Variants in VAV2 observed in about 807,000 individuals in gnomAD.
VAV2 encodes the protein guanine nucleotide exchange factor VAV2.
In VAV2, 67 loss-of-function variants were observed where a neutral mutation model predicts 132.5. The observed-to-expected ratio is 0.51, with a 90% confidence interval of 0.42 to 0.62. The LOEUF (loss-of-function observed/expected upper bound fraction) is 0.62, where lower values mean the gene tolerates loss of function less well. Ranked by LOEUF, VAV2 falls within the 20% of genes least tolerant of loss-of-function variation. VAV2 has a pLI of 0.00. For missense variants in VAV2, 938 were observed against 1,153.6 expected (o/e 0.81, Z 2.71); for synonymous variants, 492 against 443.5 (o/e 1.11, Z -1.37).
intron 8 of VAV2, among the ~76,000 whole-genome samples, chr9:133,806,864 G>C (rs1835168731): frequency 6.6e-6 from 1 of 152,266 alleles, no homozygotes; most frequent in African/African-American, 2.4e-5. Context: ...CCACGTCTAG[G>C]TGACTCTTTG....
At chr9:133,982,878 G>A (rs897921252) in intron 1 of VAV2, among the ~76,000 whole-genome samples, 7 of 152,198 alleles carry the variant, frequency 4.6e-5, no homozygotes, top group African/African-American at 1.7e-4. Flanking sequence ...GCATTGCCAC[G>A]CTCCTCCGTT....
intron 17 of VAV2, 47 bp from the exon 18 acceptor site, chr9:133,784,465 G>A (rs766739423): frequency 1.4e-5 from 22 of 1,603,442 alleles, no homozygotes; most frequent in African/African-American, 5.4e-5. Flanking sequence ...TGGATTCCCC[G>A]AGCCCCACCA....
At chr9:133,793,051 A>G (rs1248476412) in intron 12 of VAV2, among the ~76,000 whole-genome samples, 2 of 152,010 alleles carry the variant, frequency 1.3e-5, no homozygotes, top group Non-Finnish European at 2.9e-5. Context: ...CAGCCTCTCT[A>G]AGCCACAGCC....
At chr9:133,988,218 C>T (rs1199913730) in intron 1 of VAV2, among the ~76,000 whole-genome samples, 1 of 152,126 alleles carries the variant, frequency 6.6e-6, no homozygotes, top group African/African-American at 2.4e-5. Flanking sequence ...AGCCAGGGAT[C>T]ACAGGCACCC....
Position 133,904,203 on chromosome 9 carries a change from C to T in VAV2, c.321+34900G>A, listed in dbSNP as rs143763579. On this transcript the variant is annotated intron_variant, in intron 2 of 29. Transcript: ENST00000371850. ...CCAAGCGCCAGGCTCTCCCCCAGAG[C>T]TCCGCATTCTAAAGGGAACCACTCT... Among the ~76,000 whole-genome samples, 376 of 152,310 alleles carry T rather than the reference C, an allele frequency of 2.5e-3. 1 individual carries two copies. The highest frequency in any genetic ancestry group is 8.9e-3 in the African/African-American group (368 of 41,562).
Position 133,926,599 on chromosome 9 carries a change from G to A in VAV2, c.321+12504C>T, listed in dbSNP as rs1267906303. Among the ~76,000 whole-genome samples the A allele has an allele frequency of 2.0e-5, 3 of 152,106 alleles. 1 individual carries two copies. Among genetic ancestry groups the A allele is most frequent in the African/African-American group, 7.2e-5 (3 of 41,406 alleles). On this transcript the variant is annotated intron_variant, in intron 2 of 29. Transcript: ENST00000371850. This position sits in a 1 kb window ranked among gnomAD's most constrained non-coding sequence, Gnocchi z 4.3. ...GGCCAGGCCACCGCCACCAGCCTCT[G>A]GACCTTTGCACATGCTGCCCCTGAG...
At chr9:133,789,816 C>T (rs915886626) in intron 13 of VAV2, among the ~76,000 whole-genome samples, 17 of 152,248 alleles carry the variant, frequency 1.1e-4, no homozygotes, top group Non-Finnish European at 2.1e-4. Flanking sequence ...GGTTCATTTT[C>T]GTTGTCTGTC....
chr9:133,934,832 C>A (rs980224997), intron 2 of VAV2, among the ~76,000 whole-genome samples: 1 of 152,234 alleles, frequency 6.6e-6, no homozygotes, highest in African/African-American at 2.4e-5. Flanking sequence ...CCCCTCTTGT[C>A]TGCCTCTACC....
chr9:133,812,647 C>G (rs1366525969), intron 4 of VAV2, among the ~76,000 whole-genome samples: 1 of 152,144 alleles, frequency 6.6e-6, no homozygotes, highest in Non-Finnish European at 1.5e-5. Context: ...ACCTGGAGAC[C>G]TGAGTGCTTC....
At chr9:133,855,664 C>T (rs1588273710) in intron 3 of VAV2, among the ~76,000 whole-genome samples, 2 of 152,332 alleles carry the variant, frequency 1.3e-5, no homozygotes, top group South Asian at 4.1e-4. Flanking sequence ...CATGGGAAGA[C>T]CAAAAGGTGG....
intron 1 of VAV2, among the ~76,000 whole-genome samples, chr9:133,977,505 C>A (rs1234562474): frequency 1.3e-5 from 2 of 152,208 alleles, no homozygotes; most frequent in Non-Finnish European, 2.9e-5. Context: ...TGTCTAGGCA[C>A]CTTGTGCACC....
At chr9:133,838,952 G>T in intron 3 of VAV2, among the ~76,000 whole-genome samples, 1 of 127,912 alleles carries the variant, frequency 7.8e-6, no homozygotes, top group East Asian at 2.6e-4. Context: ...GATGGGGTGG[G>T]TGGGTAGGTG....
At chr9:133,829,496 C>A (rs764112316) in intron 4 of VAV2, among the ~76,000 whole-genome samples, 1 of 152,262 alleles carries the variant, frequency 6.6e-6, no homozygotes, top group Non-Finnish European at 1.5e-5. Context: ...CAGTGACCTG[C>A]GCCCAAGTGC....
chr9:133,768,940 G>A lies in VAV2; in HGVS notation c.2435-344C>T, dbSNP rs1375538063. ...CAGCTTGGCCCAGATGCAGAATCCT[G>A]ATAGACAGGTGACAATGACCATGGC... On this transcript the variant is annotated intron_variant, in intron 28 of 29. Coordinates refer to ENST00000371850, the MANE Select transcript of VAV2 (RefSeq NM_001134398.2). This position sits in a 1 kb window ranked among gnomAD's most constrained non-coding sequence, Gnocchi z 5.3. Among the ~76,000 whole-genome samples the A allele has an allele frequency of 6.6e-6, 1 of 152,158 alleles. No individual in the cohort carries two copies. The highest frequency in any genetic ancestry group is 1.9e-4 in the East Asian group (1 of 5,198).
rs1006099216 is a variant in VAV2 at position 133,850,227 on chromosome 9, C to T, written c.380+11147G>A. 2.0e-5 allele frequency among the ~76,000 whole-genome samples: 3 copies of T among 152,340 alleles called. 1 individual carries two copies. The highest frequency in any genetic ancestry group is 1.3e-4 in the Admixed American group (2 of 15,306). On this transcript the variant is annotated intron_variant, in intron 3 of 29. Transcript: ENST00000371850. ...AGGAGCAAGGATCCCAGCCGGGCCT[C>T]GAACCCAAGTCTCTCAACCTCAGGC...
chr9:133,772,919 C>A (rs1159174968), intron 25 of VAV2, among the ~76,000 whole-genome samples: 2 of 93,498 alleles, frequency 2.1e-5, no homozygotes, highest in East Asian at 4.1e-4. Flanking sequence ...GACGGCAGAG[C>A]CTACCACACA....
At chr9:133,868,189 G>A (rs1419006508) in intron 2 of VAV2, among the ~76,000 whole-genome samples, 1 of 152,232 alleles carries the variant, frequency 6.6e-6, no homozygotes, top group Non-Finnish European at 1.5e-5. Context: ...TAACGGTTGG[G>A]TCCTGACTCA....
intron 1 of VAV2, among the ~76,000 whole-genome samples, chr9:133,965,215 C>CAGT (rs1306867707): frequency 6.6e-6 from 1 of 151,952 alleles, no homozygotes; most frequent in African/African-American, 2.4e-5. Context: ...AGGCCAGGCA[C>CAGT]AGTGGCTCAT....
At position 133,827,802 on chromosome 9, in the gene VAV2, C is replaced by T. The variant is rs376002227; in HGVS notation, c.449+6470G>A. ...GCACGGGCATCACCACCTACCGCTG[C>T]GCCCACTGGGGCTGACCACTGAGTG... On this transcript the variant is annotated intron_variant, in intron 4 of 29. Coordinates refer to ENST00000371850, the MANE Select transcript of VAV2 (RefSeq NM_001134398.2). 6.6e-3 allele frequency among the ~76,000 whole-genome samples: 29 copies of T among 4,400 alleles called. 2 individuals carry two copies. Among genetic ancestry groups the T allele is most frequent in the South Asian group, 0.037 (3 of 80 alleles). 2.9% of individuals were successfully genotyped at this position (4,400 alleles called of 152,430 possible).
Sources: allele counts gnomAD v4.1 joint callset (sites outside exome capture counted in the v4.1 genomes callset), GRCh38; gene constraint gnomAD v4.1.1; non-coding constraint Gnocchi (gnomAD v3.1); transcripts MANE v1.5; gene names NCBI Gene and HGNC (gene_info 2026-07-23, HGNC 2026-07-21).